The following CRADD variants were observed in gnomAD, a reference collection of about 807,000 sequenced individuals.
The protein encoded by CRADD is CARD and death domain containing adaptor protein.
Under a neutral mutation model 15.5 loss-of-function variants are expected in CRADD, and 9 were observed. The observed-to-expected ratio is 0.58, with a 90% CI of 0.35 to 1.01. The LOEUF is 1.01. CRADD is among the 50% of genes least tolerant of loss of function. CRADD has a pLI of 0.02. For synonymous variants in CRADD, 118 were observed against 107.6 expected (o/e 1.10, Z -0.60); for missense variants, 227 against 250.3 (o/e 0.91, Z 0.63).
chr12:93,708,338 G>A (rs941295932), intron 2 of CRADD: 5 of 152,170 alleles, frequency 3.3e-5, no homozygotes, highest in Non-Finnish European at 7.3e-5. Flanking sequence ...AGGCTGTAGG[G>A]ACTTTCCGTC....
chr12:93,701,346 C>T (rs1955841902), intron 2 of CRADD, among the ~76,000 whole-genome samples: 1 of 147,234 alleles, frequency 6.8e-6, no homozygotes, highest in South Asian at 2.1e-4. Context: ...TGTAAGTAGT[C>T]TCCAGGGCTG....
chr12:93,800,596 C>G (rs1957466758), intron 2 of CRADD, among the ~76,000 whole-genome samples: 1 of 152,160 alleles, frequency 6.6e-6, no homozygotes, highest in Admixed American at 6.5e-5. Context: ...CTCTCTCTCT[C>G]TCTCTGGCCA....
intron 2 of CRADD, among the ~76,000 whole-genome samples, chr12:93,890,667 T>A (rs993097880): frequency 6.6e-6 from 1 of 152,014 alleles, no homozygotes; most frequent in Non-Finnish European, 1.5e-5. Flanking sequence ...AACCAGAAAA[T>A]TTTTCAATCT....
chr12:93,875,674 C>G (rs186306581), intron 2 of CRADD, among the ~76,000 whole-genome samples: 1 of 151,716 alleles, frequency 6.6e-6, no homozygotes, highest in Admixed American at 6.5e-5. Flanking sequence ...AACAAACAAT[C>G]AAAGAGAACA....
intron 2 of CRADD, among the ~76,000 whole-genome samples, chr12:93,790,911 T>TCACACACACACACA (rs1565915418): frequency 1.4e-5 from 1 of 69,106 alleles, no homozygotes; most frequent in Non-Finnish European, 2.6e-5. Context: ...GCCATATACA[T>TCACACACACACACA]GACACACACA....
intron 2 of CRADD, among the ~76,000 whole-genome samples, chr12:93,842,077 A>G (rs1169701693): frequency 1.3e-5 from 2 of 152,136 alleles, no homozygotes; most frequent in Non-Finnish European, 2.9e-5. Flanking sequence ...ATAGTTAAAA[A>G]ACTTTTTTGA....
At chr12:93,686,162 G>A (rs1409829359) in intron 2 of CRADD, among the ~76,000 whole-genome samples, 1 of 151,702 alleles carries the variant, frequency 6.6e-6, no homozygotes, top group South Asian at 2.1e-4. Flanking sequence ...TTAACCGGGT[G>A]TGGTGGCAGG....
intron 2 of CRADD, among the ~76,000 whole-genome samples, chr12:93,891,481 C>T (rs7136466): frequency 0.23 from 34,435 of 151,916 alleles, 4,094 homozygotes; most frequent in African/African-American, 0.29. Context: ...AGCGACACTC[C>T]GTGTCAAAAA....
intron 2 of CRADD, among the ~76,000 whole-genome samples, chr12:93,745,955 C>T (rs1028064159): frequency 1.3e-5 from 2 of 152,156 alleles, no homozygotes; most frequent in African/African-American, 4.8e-5. Context: ...CATACACACA[C>T]TATTACCACC....
At chr12:93,746,567 G>A (rs915445372) in intron 2 of CRADD, among the ~76,000 whole-genome samples, 8 of 152,076 alleles carry the variant, frequency 5.3e-5, no homozygotes, top group Non-Finnish European at 1.0e-4. Context: ...CTTTTATACA[G>A]TTAGGCCCCA....
chr12:93,754,175 A>C (rs958294591), intron 2 of CRADD, among the ~76,000 whole-genome samples: 7 of 152,230 alleles, frequency 4.6e-5, no homozygotes, highest in African/African-American at 1.7e-4. Context: ...CCATGACCCA[A>C]GCTCTACCTT....
At chr12:93,877,863 C>T (rs575214477) in intron 2 of CRADD, among the ~76,000 whole-genome samples, 1 of 152,246 alleles carries the variant, frequency 6.6e-6, no homozygotes, top group South Asian at 2.1e-4. Flanking sequence ...GTGCTAGTAC[C>T]TAAGTTGCAA....
At chr12:93,744,397 T>A (rs1030335796) in intron 2 of CRADD, among the ~76,000 whole-genome samples, 3 of 152,210 alleles carry the variant, frequency 2.0e-5, no homozygotes, top group Non-Finnish European at 2.9e-5. Flanking sequence ...CAGAATTTGC[T>A]TTAGATTTCC....
At chr12:93,709,563 T>C (rs1480909685) in intron 2 of CRADD, among the ~76,000 whole-genome samples, 1 of 152,232 alleles carries the variant, frequency 6.6e-6, no homozygotes, top group East Asian at 1.9e-4. Flanking sequence ...AGCCTTCAGC[T>C]CTATCCATAT....
At chr12:93,722,992 A>G (rs1482698931) in intron 2 of CRADD, among the ~76,000 whole-genome samples, 2 of 152,214 alleles carry the variant, frequency 1.3e-5, no homozygotes, top group Admixed American at 6.5e-5. Flanking sequence ...CTTTGCAAAA[A>G]TTATGACCAT....
intron 2 of CRADD, among the ~76,000 whole-genome samples, chr12:93,734,151 TGTCC>T (rs1956521597): frequency 6.6e-6 from 1 of 151,966 alleles, no homozygotes; most frequent in Non-Finnish European, 1.5e-5. Flanking sequence ...TCCATCCATC[TGTCC>T]ATCCATCCCA....
At chr12:93,788,798 A>G (rs1957313791) in intron 2 of CRADD, among the ~76,000 whole-genome samples, 1 of 152,088 alleles carries the variant, frequency 6.6e-6, no homozygotes, top group African/African-American at 2.4e-5. Context: ...CATTTAAGGG[A>G]AACCAATACC....
At chr12:93,799,999 T>A (rs2136995582) in intron 2 of CRADD, among the ~76,000 whole-genome samples, 1 of 152,310 alleles carries the variant, frequency 6.6e-6, no homozygotes, top group East Asian at 1.9e-4. Flanking sequence ...TGTATTAGGG[T>A]TCTCCAGAGG....
At chr12:93,758,788 G>A (rs1216263008) in intron 2 of CRADD, among the ~76,000 whole-genome samples, 1 of 152,082 alleles carries the variant, frequency 6.6e-6, no homozygotes, top group Non-Finnish European at 1.5e-5. Flanking sequence ...ATATCTGAAT[G>A]CTTCATTAAG....
Sources: allele counts gnomAD v4.1 joint callset (sites outside exome capture counted in the v4.1 genomes callset), GRCh38; gene constraint gnomAD v4.1.1; transcripts MANE v1.5; gene names NCBI Gene and HGNC (gene_info 2026-07-23, HGNC 2026-07-21).